Variants in DRGX observed in about 807,000 individuals in gnomAD.
DRGX encodes dorsal root ganglia homeobox.
In DRGX, 21 loss-of-function variants were observed where a neutral mutation model predicts 28.6. That is an observed-to-expected ratio of 0.73 (90% CI 0.52 to 1.06). DRGX has a LOEUF of 1.06. Among genes scored for constraint, DRGX ranks in the 50% least tolerant of loss-of-function variants. The pLI, the probability that DRGX is intolerant of heterozygous loss-of-function variation, is 0.00. For synonymous variants in DRGX, 136 were observed against 139.1 expected (o/e 0.98, Z 0.16); for missense variants, 354 against 343.9 (o/e 1.03, Z -0.23).
At chr10:49,384,313 C>T (rs1037021709) in intron 6 of DRGX, among the ~76,000 whole-genome samples, 17 of 152,306 alleles carry the variant, frequency 1.1e-4, no homozygotes, top group African/African-American at 3.4e-4. Flanking sequence ...GGTATGTCGC[C>T]GACCTCAAGG....
In DRGX at chr10:49,366,397, C is replaced by T. The variant is rs1468171831; in HGVS notation, c.527-16G>A. ...AGTGGGCCCCCTGGAAAAGGAAAAA[C>T]AACAGGCTCCCATCACTGTCTACTT... On this transcript the variant is annotated splice_polypyrimidine_tract_variant and intron_variant, in intron 6 of 6. Transcript: ENST00000374139. 7.6e-6 allele frequency: 12 copies of T among 1,587,650 alleles called. No homozygotes were observed. The highest frequency in any genetic ancestry group is 1.7e-5 in the Admixed American group (1 of 58,196).
In DRGX at chr10:49,391,202, T is replaced by A. The variant is rs1366625446; in HGVS notation, c.94A>T (p.Lys32Ter). The change falls in exon 3 of 7, where the codon AAA (lysine) becomes TAA (stop). Residue 32 changes from lysine to a stop codon, truncating the protein, a stop_gained. Transcript: ENST00000374139. LOFTEE classifies it high-confidence loss of function. ...AACGTCGTCCGGTTCCGGCGCTGTTTTCTACGCAGAAACCCGTCATCAAAA... is the reference window on the plus strand; with the variant it reads ...AACGTCGTCCGGTTCCGGCGCTGTTATCTACGCAGAAACCCGTCATCAAAA... ...GDFDDGFLRR[K>*]QRRNRTTFTL... 1 of 1,613,048 alleles carries A rather than the reference T, an allele frequency of 6.2e-7. No homozygotes were observed. Among genetic ancestry groups the A allele is most frequent in the African/African-American group, 1.3e-5 (1 of 74,904 alleles).
At chr10:49,377,247 G>A (rs1294278911) in intron 6 of DRGX, among the ~76,000 whole-genome samples, 2 of 152,242 alleles carry the variant, frequency 1.3e-5, no homozygotes, top group Non-Finnish European at 2.9e-5. Context: ...ACTCTGTGCT[G>A]GGGCAGAGGT....
chr10:49,375,342 A>G (rs1564705697), intron 6 of DRGX, among the ~76,000 whole-genome samples: 1 of 152,226 alleles, frequency 6.6e-6, no homozygotes, highest in East Asian at 1.9e-4. Context: ...GTAAACACTC[A>G]GTGAATATTT....
At chr10:49,393,049 G>C (rs546335845) in intron 2 of DRGX, among the ~76,000 whole-genome samples, 1 of 151,880 alleles carries the variant, frequency 6.6e-6, no homozygotes, top group Non-Finnish European at 1.5e-5. Flanking sequence ...ACACATACAG[G>C]TATTTAATCT....
intron 2 of DRGX, 92 bp downstream of exon 2, chr10:49,395,315 G>A: frequency 2.0e-6 from 3 of 1,498,836 alleles, no homozygotes; most frequent in Non-Finnish European, 2.7e-6. Context: ...CCGCAGGGCG[G>A]GGACCCAGCC....
chr10:49,389,822 T>A (rs1564709625), intron 4 of DRGX, among the ~76,000 whole-genome samples: 1 of 151,372 alleles, frequency 6.6e-6, no homozygotes, highest in Non-Finnish European at 1.5e-5. Context: ...GCATCTCAGC[T>A]CTTTTCTTTC....
At chr10:49,377,519 T>G (rs1849729057) in intron 6 of DRGX, among the ~76,000 whole-genome samples, 1 of 152,240 alleles carries the variant, frequency 6.6e-6, no homozygotes, top group Non-Finnish European at 1.5e-5. Flanking sequence ...GCAGCAGCAG[T>G]GACACTGTAC....
rs140717206 is a variant in DRGX at position 49,386,223 on chromosome 10, G to C, written c.526+255C>G. 5.8e-3 allele frequency among the ~76,000 whole-genome samples: 885 copies of C among 152,282 alleles called. 13 individuals are homozygous for C. Among genetic ancestry groups the C allele is most frequent in the African/African-American group, 0.02 (845 of 41,544 alleles). ...AGCTGTGAACATGGAAGGTCACTGT[G>C]GGGCAGCCTGCTCTAGGACCAGCCC... On this transcript the variant is annotated intron_variant, in intron 6 of 6. Transcript: ENST00000374139.
chr10:49,391,477 G>A (rs1010837532), intron 2 of DRGX, among the ~76,000 whole-genome samples: 8 of 152,152 alleles, frequency 5.3e-5, no homozygotes, highest in Non-Finnish European at 8.8e-5. Context: ...TACATAGGGC[G>A]AGTGGTGACC....
At chr10:49,393,059 TATAA>T (rs1849927489) in intron 2 of DRGX, among the ~76,000 whole-genome samples, 1 of 152,078 alleles carries the variant, frequency 6.6e-6, no homozygotes, top group African/African-American at 2.4e-5. Context: ...GTATTTAATC[TATAA>T]ATATATTTGT....
intron 6 of DRGX, among the ~76,000 whole-genome samples, chr10:49,382,134 T>C (rs1479145329): frequency 6.6e-6 from 1 of 152,024 alleles, no homozygotes; most frequent in East Asian, 1.9e-4. Context: ...CCAAGGCCTC[T>C]CATTGTCCCC....
chr10:49,382,342 A>G (rs1001414262), intron 6 of DRGX, among the ~76,000 whole-genome samples: 1 of 152,180 alleles, frequency 6.6e-6, no homozygotes, highest in South Asian at 2.1e-4. Context: ...GAGCTCAGTC[A>G]GGTGCCTTCT....
chr10:49,367,519 TTAA>T (rs1453707717), intron 6 of DRGX, among the ~76,000 whole-genome samples: 1 of 152,226 alleles, frequency 6.6e-6, no homozygotes, highest in African/African-American at 2.4e-5. Flanking sequence ...AACAGAACTG[TTAA>T]CTGTTAGATA....
chr10:49,394,922 G>C (rs1849948640), intron 2 of DRGX, among the ~76,000 whole-genome samples: 1 of 152,250 alleles, frequency 6.6e-6, no homozygotes, highest in African/African-American at 2.4e-5. Context: ...ATCCAGGGCG[G>C]AAGAGGCCCC....
At position 49,366,159 on chromosome 10, in the gene DRGX, G is replaced by GTCTTTTCCTGGC. The variant is rs1564703397; in HGVS notation, c.737_748dup (p.Ser246_Lys249dup). 1.2e-6 allele frequency: 2 copies of GTCTTTTCCTGGC among 1,611,096 alleles called. No homozygotes were observed. Among genetic ancestry groups the GTCTTTTCCTGGC allele is most frequent in the East Asian group, 4.5e-5 (2 of 44,874 alleles). On this transcript the variant is annotated inframe_insertion, in exon 7 of 7. Transcript: ENST00000374139. ...CTCGCTCTGTTCCTTGGTGGGAGAG[G>GTCTTTTCCTGGC]TCTTTTCCTGGCTGCCATCTGGGGG...
intron 6 of DRGX, among the ~76,000 whole-genome samples, chr10:49,376,534 C>T (rs1019725304): frequency 6.6e-6 from 1 of 152,172 alleles, no homozygotes. Flanking sequence ...TCTGCCTCAG[C>T]GATCCAAACC....
In DRGX at chr10:49,364,768, T is replaced by C. The variant is rs967278373; in HGVS notation, c.*1348A>G. The C allele has an allele frequency of 2.6e-5, 4 of 151,412 alleles. No homozygotes were observed. The highest frequency in any genetic ancestry group is 4.4e-5 in the Non-Finnish European group (3 of 67,932). The allele number at this position is 151,412 out of a possible 1,614,324, so 9.4% of individuals were successfully genotyped here. A position where few individuals can be genotyped will look rare whatever the true frequency, so the allele number is the denominator to read the frequency against. On this transcript the variant is annotated 3_prime_UTR_variant, in exon 7 of 7. Coordinates refer to ENST00000374139, the MANE Select transcript of DRGX (RefSeq NM_001276451.2). ...GGAGTATTATTTGGGGGTCATGGAG[T>C]GGGGGAAGGTAAAAAGGGGACAGGA...
intron 1 of DRGX, 45 bp from the exon 2 acceptor site, chr10:49,395,566 C>T (rs1849959011): frequency 8.3e-7 from 1 of 1,199,948 alleles, no homozygotes; most frequent in South Asian, 1.3e-5. Context: ...CCTCTGCCAG[C>T]GCTCCCGCCC....
Sources: allele counts gnomAD v4.1 joint callset (sites outside exome capture counted in the v4.1 genomes callset), GRCh38; gene constraint gnomAD v4.1.1; transcripts MANE v1.5; gene names NCBI Gene and HGNC (gene_info 2026-07-23, HGNC 2026-07-21).